Variants in NRXN1 observed in about 807,000 individuals in gnomAD.
The protein encoded by NRXN1 is neurexin 1, also known as neurexin-1.
In NRXN1, 39 loss-of-function variants were observed where a neutral mutation model predicts 150.9. That is an observed-to-expected ratio of 0.26 (90% CI 0.20 to 0.34). NRXN1 has a LOEUF of 0.34. Among genes scored for constraint, NRXN1 ranks in the 10% least tolerant of loss-of-function variants. The probability of loss-of-function intolerance (pLI) is 1.00; values close to 1 mark genes in which losing one functional copy is unlikely to be tolerated. For missense variants in NRXN1, 1,815 were observed against 1,949.9 expected, an observed-to-expected ratio of 0.93 and a Z score of 1.30; for synonymous variants, 924 against 757.0, an observed-to-expected ratio of 1.22 and a Z score of -3.62.
intron 5 of NRXN1, among the ~76,000 whole-genome samples, chr2:50,627,370 TG>T: frequency 6.6e-6 from 1 of 150,736 alleles, no homozygotes; most frequent in African/African-American, 2.4e-5. Context: ...TGTGTGTGTG[TG>T]TGTGTGTGTG....
intron 5 of NRXN1, among the ~76,000 whole-genome samples, chr2:50,743,289 C>A (rs1699655332): frequency 6.6e-6 from 1 of 152,106 alleles, no homozygotes; most frequent in African/African-American, 2.4e-5. Flanking sequence ...ATGAGCTATG[C>A]ACTTAAAATT....
intron 12 of NRXN1, among the ~76,000 whole-genome samples, chr2:50,507,636 CA>C (rs71404959): frequency 0.061 from 6,570 of 107,302 alleles, 166 homozygotes; most frequent in African/African-American, 0.15. Flanking sequence ...TCCGTCACCT[CA>C]AAAAAAAAAA....
chr2:50,983,039 A>G (rs1342367488), intron 2 of NRXN1, among the ~76,000 whole-genome samples: 3 of 152,056 alleles, frequency 2.0e-5, no homozygotes, highest in Non-Finnish European at 2.9e-5. Flanking sequence ...AGTTCTATTA[A>G]TTCACCAAAT....
chr2:50,548,500 C>G (rs2093542923), intron 9 of NRXN1, among the ~76,000 whole-genome samples: 1 of 152,012 alleles, frequency 6.6e-6, no homozygotes. Flanking sequence ...TGCCATTATT[C>G]TCCAAATGTA....
intron 21 of NRXN1, among the ~76,000 whole-genome samples, chr2:49,944,594 A>T (rs1206396622): frequency 2.6e-5 from 4 of 152,202 alleles, no homozygotes; most frequent in African/African-American, 9.7e-5. Flanking sequence ...AGTTAGTCAC[A>T]TAATCAACAC....
At chr2:50,576,601 T>C (rs552991838) in intron 8 of NRXN1, among the ~76,000 whole-genome samples, 4 of 152,128 alleles carry the variant, frequency 2.6e-5, no homozygotes, top group Non-Finnish European at 4.4e-5. Context: ...TTTCATTAAT[T>C]ACCAGACACA....
intron 17 of NRXN1, among the ~76,000 whole-genome samples, chr2:50,410,301 A>G (rs565961530): frequency 6.6e-6 from 1 of 152,344 alleles, no homozygotes; most frequent in East Asian, 1.9e-4. Context: ...CACTGCTATC[A>G]GACCTGTGAT....
At chr2:50,506,719 G>C (rs532573203) in intron 12 of NRXN1, 102 bp from the exon 13 acceptor site, 10 of 1,121,434 alleles carry the variant, frequency 8.9e-6, no homozygotes, top group Non-Finnish European at 1.3e-5. Flanking sequence ...AGGTGAGGGA[G>C]AGAGAGGAGA....
chr2:50,672,049 A>G (rs1274683293), intron 5 of NRXN1, among the ~76,000 whole-genome samples: 1 of 151,966 alleles, frequency 6.6e-6, no homozygotes, highest in African/African-American at 2.4e-5. Flanking sequence ...GTAAAAATCA[A>G]TGAGAACAAA....
At chr2:50,583,088 T>C (rs1377163919) in intron 8 of NRXN1, among the ~76,000 whole-genome samples, 2 of 152,034 alleles carry the variant, frequency 1.3e-5, no homozygotes, top group African/African-American at 4.8e-5. Context: ...TCTGCCGCTG[T>C]TACCCAGGCT....
At chr2:49,955,722 A>G (rs137936783) in intron 21 of NRXN1, among the ~76,000 whole-genome samples, 2 of 152,242 alleles carry the variant, frequency 1.3e-5, no homozygotes, top group East Asian at 3.9e-4. Context: ...AAAGAAAAAA[A>G]AACTATTCCT....
chr2:49,925,005 G>C (rs1304864450), intron 22 of NRXN1, among the ~76,000 whole-genome samples: 1 of 152,046 alleles, frequency 6.6e-6, no homozygotes, highest in Non-Finnish European at 1.5e-5. Flanking sequence ...AAATATTTAT[G>C]TGTTGGTCGG....
Position 50,327,374 on chromosome 2 carries a change from AGAG to A in NRXN1, c.3365-90407_3365-90405del, listed in dbSNP as rs548823825. Among the ~76,000 whole-genome samples, 5 of 152,314 alleles carry A rather than the reference AGAG, an allele frequency of 3.3e-5. No individual in the cohort carries two copies. In the East Asian group the frequency reaches 7.7e-4, roughly 24 times the overall value. On this transcript the variant is annotated intron_variant, in intron 17 of 22. Coordinates refer to ENST00000401669, the MANE Select transcript of NRXN1 (RefSeq NM_001330078.2). Reference sequence around the variant, plus strand: ...ATAGTTATCAGAATAGCAGCTGGGCAGAGGAGAACTGTGACTAAGACGTAGCTT... The same window carrying A: ...ATAGTTATCAGAATAGCAGCTGGGCAGAGAACTGTGACTAAGACGTAGCTT...
intron 18 of NRXN1, among the ~76,000 whole-genome samples, chr2:50,110,116 T>A (rs900478387): frequency 2.0e-5 from 3 of 152,074 alleles, no homozygotes; most frequent in Non-Finnish European, 2.9e-5. Context: ...CAATGTGTAA[T>A]GCAAGAAACA....
intron 7 of NRXN1, 60 bp downstream of exon 7, chr2:50,621,166 G>T: frequency 6.8e-7 from 1 of 1,466,570 alleles, no homozygotes; most frequent in Non-Finnish European, 9.2e-7. Flanking sequence ...GAAAACACAC[G>T]GCAAACCCAA....
intron 18 of NRXN1, among the ~76,000 whole-genome samples, chr2:50,154,599 A>T (rs1017941959): frequency 6.6e-6 from 1 of 151,696 alleles, no homozygotes; most frequent in African/African-American, 2.4e-5. Context: ...TTAGCCACAG[A>T]ATATTATAGT....
intron 5 of NRXN1, among the ~76,000 whole-genome samples, chr2:50,911,459 G>A (rs10170037): frequency 2.0e-5 from 3 of 151,342 alleles, no homozygotes; most frequent in Non-Finnish European, 4.4e-5. Flanking sequence ...TGTCTAATAA[G>A]AATACTGTCT....
chr2:50,371,082 C>T (rs957082553), intron 17 of NRXN1, among the ~76,000 whole-genome samples: 3 of 151,986 alleles, frequency 2.0e-5, no homozygotes, highest in African/African-American at 7.2e-5. Flanking sequence ...ATAATTACTT[C>T]AAGTGGATAA....
chr2:50,756,379 A>G (rs1010870428), intron 5 of NRXN1, among the ~76,000 whole-genome samples: 1 of 151,704 alleles, frequency 6.6e-6, no homozygotes, highest in Non-Finnish European at 1.5e-5. Context: ...CATTCAGTAC[A>G]TTAAACAGCA....
Sources: allele counts gnomAD v4.1 joint callset (sites outside exome capture counted in the v4.1 genomes callset), GRCh38; gene constraint gnomAD v4.1.1; transcripts MANE v1.5; gene names NCBI Gene and HGNC (gene_info 2026-07-23, HGNC 2026-07-21).